The following PCDHA1 variants were observed in gnomAD, a reference collection of about 807,000 sequenced individuals.
The protein encoded by PCDHA1 is protocadherin alpha-1.
PCDHA1 carries 42 observed loss-of-function variants against 61.3 expected under a neutral mutation model. The observed-to-expected ratio is 0.69, with a 90% CI of 0.54 to 0.89. The LOEUF (loss-of-function observed/expected upper bound fraction) is 0.89. PCDHA1 is among the 40% of genes least tolerant of loss of function. PCDHA1 has a pLI of 0.00. For missense variants in PCDHA1, 1,256 were observed against 1,235.3 expected (o/e 1.02, Z -0.25); for synonymous variants, 610 against 553.8 (o/e 1.10, Z -1.43).
intron 1 of PCDHA1, among the ~76,000 whole-genome samples, chr5:140,892,438 ATT>A (rs2063515415): frequency 6.6e-6 from 1 of 152,198 alleles, no homozygotes; most frequent in African/African-American, 2.4e-5. Context: ...ATTATCTAAA[ATT>A]TACATGTATT....
At chr5:140,883,690 C>T (rs1313254041) in intron 1 of PCDHA1, 1 of 1,613,870 alleles carries the variant, frequency 6.2e-7, no homozygotes, top group Non-Finnish European at 8.5e-7. Context: ...GCTGCCACAT[C>T]TTCACGGTGT....
chr5:140,814,325 T>A (rs1765488694), intron 1 of PCDHA1: 1 of 152,342 alleles, frequency 6.6e-6, no homozygotes, highest in African/African-American at 2.4e-5. Context: ...CCATATCTTG[T>A]CCCACTGGAA....
intron 1 of PCDHA1, chr5:140,842,708 T>A: frequency 6.3e-7 from 1 of 1,595,132 alleles, no homozygotes. Flanking sequence ...GTACACGGTG[T>A]TCGTGAAGGA....
rs534013349 is a variant in PCDHA1, at chr5:140,881,427, A to G, written c.2394+92743A>G. ...AATCAATAGGATATTAGTTCCAGGC[A>G]TATTTTATAAAAACAGAATCCAAAA... On this transcript the variant is annotated intron_variant, in intron 1 of 3. Transcript: ENST00000504120. 6.5e-5 allele frequency: 58 copies of G among 895,354 alleles called. No individual in the cohort carries two copies. In the African/African-American group the frequency reaches 9.9e-4, roughly 15 times the overall value. The allele number at this position is 895,354 out of a possible 1,614,324, so 55.5% of individuals were successfully genotyped here. A position where few individuals can be genotyped will look rare whatever the true frequency, so the allele number is the denominator to read the frequency against.
chr5:140,982,299 T>C, intron 2 of PCDHA1, 176 bp from the exon 3 acceptor site: 1 of 1,200,862 alleles, frequency 8.3e-7, no homozygotes, highest in South Asian at 1.7e-5. Flanking sequence ...AAGTCAGCAA[T>C]GCTTCTGCAG....
rs1325743256 is a variant in PCDHA1 at position 140,849,105 on chromosome 5, G to T, written c.2394+60421G>T. 6 of 1,455,392 alleles carry T rather than the reference G, an allele frequency of 4.1e-6. No individual in the cohort carries two copies. The East Asian group carries it at 1.4e-4, about 34-fold the overall frequency. 90.2% of individuals were successfully genotyped at this position (1,455,392 alleles called of 1,614,324 possible). ...ATTACGGAAACTTTTAGACAGAGAA[G>T]AAACTCCGGAGCTTCATTTATTGCT... On this transcript the variant is annotated intron_variant, in intron 1 of 3. Coordinates refer to ENST00000504120, the MANE Select transcript of PCDHA1 (RefSeq NM_018900.4).
intron 1 of PCDHA1, among the ~76,000 whole-genome samples, chr5:140,918,094 T>C (rs1001602407): frequency 1.3e-5 from 2 of 152,188 alleles, no homozygotes; most frequent in East Asian, 1.9e-4. Context: ...ATTCTTTTTA[T>C]AGAGATCTTT....
intron 1 of PCDHA1, among the ~76,000 whole-genome samples, chr5:140,945,769 T>C (rs1358082978): frequency 1.3e-5 from 2 of 152,036 alleles, no homozygotes; most frequent in Non-Finnish European, 2.9e-5. Flanking sequence ...TGGGACAATT[T>C]GATATCCAGA....
chr5:140,967,287 A>G (rs1458692984), intron 1 of PCDHA1: 1 of 1,612,826 alleles, frequency 6.2e-7, no homozygotes, highest in Non-Finnish European at 8.5e-7. Flanking sequence ...AGTGCGCAGG[A>G]CCCCGACGTG....
At chr5:140,909,523 C>G (rs1265179214) in intron 1 of PCDHA1, among the ~76,000 whole-genome samples, 1 of 152,172 alleles carries the variant, frequency 6.6e-6, no homozygotes, top group Non-Finnish European at 1.5e-5. Context: ...AACCCCTGCA[C>G]ATTTTGAGTC....
chr5:140,852,495 C>T (rs2042351013), intron 1 of PCDHA1: 1 of 241,812 alleles, frequency 4.1e-6, no homozygotes, highest in Non-Finnish European at 7.2e-6. Context: ...CCAGGTTGGT[C>T]TCGAACTCCT....
intron 3 of PCDHA1, among the ~76,000 whole-genome samples, chr5:140,984,004 A>G (rs1039333145): frequency 6.6e-6 from 1 of 152,196 alleles, no homozygotes; most frequent in Admixed American, 6.5e-5. Context: ...TTAGAGAGCT[A>G]ATATTGCCAG....
chr5:140,987,034 C>T (rs782321957), intron 3 of PCDHA1, among the ~76,000 whole-genome samples: 12 of 151,770 alleles, frequency 7.9e-5, no homozygotes, highest in Non-Finnish European at 1.6e-4. Context: ...GTCAACATGG[C>T]GAAACCCCAT....
chr5:140,829,651 G>A (rs2150172119), intron 1 of PCDHA1: 1 of 1,612,432 alleles, frequency 6.2e-7, no homozygotes, highest in South Asian at 1.1e-5. Flanking sequence ...TGTACGCGCT[G>A]CAGCCGCTGG....
intron 1 of PCDHA1, among the ~76,000 whole-genome samples, chr5:140,932,387 T>C (rs1419863335): frequency 6.6e-6 from 1 of 151,960 alleles, no homozygotes; most frequent in Non-Finnish European, 1.5e-5. Context: ...AAGTTATACA[T>C]AGTTTCAACA....
intron 1 of PCDHA1, chr5:140,967,752 C>T: frequency 1.2e-6 from 2 of 1,614,194 alleles, no homozygotes; most frequent in Middle Eastern, 1.6e-4. Context: ...GAGGAAGCCT[C>T]CTCCTACCAG....
intron 1 of PCDHA1, chr5:140,836,407 C>A: frequency 6.2e-7 from 1 of 1,613,770 alleles, no homozygotes; most frequent in Non-Finnish European, 8.5e-7. Context: ...AGCGGCCAGG[C>A]ACCAAAGGCG....
At chr5:140,925,176 A>G (rs187925786) in intron 1 of PCDHA1, among the ~76,000 whole-genome samples, 2 of 152,236 alleles carry the variant, frequency 1.3e-5, no homozygotes, top group African/African-American at 2.4e-5. Context: ...ATTGACCCCA[A>G]TGTACCATCA....
At chr5:140,967,870 G>T in intron 1 of PCDHA1, 1 of 1,614,152 alleles carries the variant, frequency 6.2e-7, no homozygotes, top group Non-Finnish European at 8.5e-7. Flanking sequence ...TGGTGCTCAC[G>T]GACCTGTATA....
Sources: allele counts gnomAD v4.1 joint callset (sites outside exome capture counted in the v4.1 genomes callset), GRCh38; gene constraint gnomAD v4.1.1; transcripts MANE v1.5; gene names NCBI Gene and HGNC (gene_info 2026-07-23, HGNC 2026-07-21).